Variants in ATP2B2 observed in about 807,000 individuals in gnomAD.
ATP2B2 encodes the protein ATPase plasma membrane Ca2+ transporting 2.
A neutral mutation model predicts 120.0 loss-of-function variants in ATP2B2; 15 were observed. The observed-to-expected ratio is 0.12, with a 90% CI of 0.08 to 0.19. ATP2B2 has a LOEUF of 0.19. Ranked by LOEUF, ATP2B2 falls within the 10% of genes least tolerant of loss-of-function variation. ATP2B2 has a pLI of 1.00. For synonymous variants in ATP2B2, 694 were observed against 700.3 expected (o/e 0.99, Z 0.14); for missense variants, 1,045 against 1,719.8 (o/e 0.61, Z 6.94).
At position 10,343,719 on chromosome 3, in the gene ATP2B2, C is replaced by T. The variant is rs2060350805; in HGVS notation, c.2704-754G>A. On this transcript the variant is annotated intron_variant, in intron 18 of 22. Coordinates refer to ENST00000360273, the MANE Select transcript of ATP2B2 (RefSeq NM_001001331.4). The surrounding 1 kb of genome is among the most constrained non-coding windows in gnomAD (Gnocchi z 4.2). ...TTCCCAGAATGCCCTCCGCCCACGT[C>T]ACCAGCACCTTCTGTGCCACGAGTT... Among the ~76,000 whole-genome samples the T allele has an allele frequency of 1.3e-5, 2 of 152,132 alleles. No homozygotes were observed. The highest frequency in any genetic ancestry group is 2.9e-5 in the Non-Finnish European group (2 of 68,032).
At position 10,329,169 on chromosome 3, in the gene ATP2B2, C is replaced by T. The variant is rs1484744043; in HGVS notation, c.3421-44G>A. On this transcript the variant is annotated intron_variant, in intron 22 of 22. Coordinates refer to ENST00000360273, the MANE Select transcript of ATP2B2 (RefSeq NM_001001331.4). This position sits in a 1 kb window ranked among gnomAD's most constrained non-coding sequence, Gnocchi z 5.9. ...GGTCAGGAGCACTGCCCAGGGACCACAGCCAGGCTCGGGGGGCTCACAGGA... is the reference window on the plus strand; with the variant it reads ...GGTCAGGAGCACTGCCCAGGGACCATAGCCAGGCTCGGGGGGCTCACAGGA... 1.3e-6 allele frequency: 2 copies of T among 1,572,910 alleles called. No homozygotes were observed. Among genetic ancestry groups the T allele is most frequent in the Non-Finnish European group, 1.7e-6 (2 of 1,154,436 alleles).
intron 3 of ATP2B2, among the ~76,000 whole-genome samples, chr3:10,528,431 T>C (rs758054243): frequency 2.7e-4 from 41 of 152,294 alleles, no homozygotes; most frequent in Non-Finnish European, 2.5e-4. Flanking sequence ...CTGGGCCCCA[T>C]GACACTCCTT....
At chr3:10,671,016 C>T (rs190810503) in intron 1 of ATP2B2, among the ~76,000 whole-genome samples, 2 of 152,112 alleles carry the variant, frequency 1.3e-5, no homozygotes, top group East Asian at 1.9e-4. Flanking sequence ...CAGATGACTT[C>T]GAAGGTCCTT....
intron 2 of ATP2B2, among the ~76,000 whole-genome samples, chr3:10,558,370 G>C (rs1292701247): frequency 1.3e-5 from 2 of 152,174 alleles, no homozygotes; most frequent in African/African-American, 4.8e-5. Flanking sequence ...ATCATTGCTA[G>C]GACTGCAGGG....
chr3:10,636,056 G>A (rs1466506956), intron 1 of ATP2B2, among the ~76,000 whole-genome samples: 4 of 152,198 alleles, frequency 2.6e-5, no homozygotes, highest in Admixed American at 2.6e-4. Flanking sequence ...CTTCTAAGAG[G>A]CGGATGAAAG....
At chr3:10,491,224 A>ATTTT (rs3077070) in intron 1 of ATP2B2, among the ~76,000 whole-genome samples, 2,415 of 119,908 alleles carry the variant, frequency 0.02, 76 homozygotes, top group African/African-American at 0.072. Flanking sequence ...CCTTCATTCC[A>ATTTT]TTTTTTTTTT....
rs1365516752 is a variant in ATP2B2 at position 10,699,398 on chromosome 3, A to G, written c.-460+8517T>C. Among the ~76,000 whole-genome samples, 28 of 152,240 alleles carry G rather than the reference A, an allele frequency of 1.8e-4. 1 individual carries two copies. The highest frequency in any genetic ancestry group is 1.8e-3 in the Admixed American group (28 of 15,292). ...ATAAGGTAGAAGTATATTTATTGAT[A>G]TTTAAGATGACCATTATTACTGAGT... On this transcript the variant is annotated intron_variant, in intron 1 of 21. Coordinates refer to the ATP2B2 transcript ENST00000646379.
intron 12 of ATP2B2, among the ~76,000 whole-genome samples, chr3:10,370,674 C>T (rs779000753): frequency 6.6e-4 from 101 of 152,176 alleles, no homozygotes; most frequent in Non-Finnish European, 1.0e-3. Context: ...TTCCCCATTT[C>T]GATAAAGCTG....
chr3:10,686,331 T>C (rs1239928319), intron 1 of ATP2B2, among the ~76,000 whole-genome samples: 3 of 152,128 alleles, frequency 2.0e-5, no homozygotes, highest in African/African-American at 7.2e-5. Context: ...GACAAGTGTC[T>C]CAATAGAATA....
chr3:10,577,748 G>A (rs960354022), intron 2 of ATP2B2, among the ~76,000 whole-genome samples: 5 of 152,170 alleles, frequency 3.3e-5, no homozygotes, highest in African/African-American at 7.2e-5. Context: ...AGCGTGACTC[G>A]GAATGGCAGG....
At chr3:10,527,311 A>C (rs1450016330) in intron 3 of ATP2B2, among the ~76,000 whole-genome samples, 1 of 152,206 alleles carries the variant, frequency 6.6e-6, no homozygotes, top group Non-Finnish European at 1.5e-5. Flanking sequence ...AGCCTTATGA[A>C]ATAGGAACTG....
intron 1 of ATP2B2, among the ~76,000 whole-genome samples, chr3:10,501,130 G>A (rs59888309): frequency 0.064 from 9,772 of 152,188 alleles, 614 homozygotes; most frequent in African/African-American, 0.17. Context: ...GCTCGGGCCT[G>A]GTCACTTGCC....
At chr3:10,674,831 A>C (rs1173030208) in intron 1 of ATP2B2, among the ~76,000 whole-genome samples, 2 of 152,246 alleles carry the variant, frequency 1.3e-5, no homozygotes, top group Non-Finnish European at 2.9e-5. Context: ...CCCAGCCAGG[A>C]AAGTCAACAG....
chr3:10,642,498 G>A (rs7615819), intron 1 of ATP2B2, among the ~76,000 whole-genome samples: 47,824 of 151,854 alleles, frequency 0.31, 11,390 homozygotes, highest in African/African-American at 0.66. Flanking sequence ...ATCTCACCCT[G>A]TAGAACAAAA....
intron 1 of ATP2B2, among the ~76,000 whole-genome samples, chr3:10,691,878 T>TC (rs1243404650): frequency 7.2e-5 from 11 of 152,210 alleles, no homozygotes; most frequent in Admixed American, 3.9e-4. Flanking sequence ...AAGTCTCATA[T>TC]CCAAGGAATG....
chr3:10,378,044 C>T lies in ATP2B2; in HGVS notation c.1201+208G>A, dbSNP rs73814203. Among the ~76,000 whole-genome samples the T allele has an allele frequency of 7.4e-3, 1,131 of 152,372 alleles. 19 individuals carry two copies. The highest frequency in any genetic ancestry group is 0.025 in the African/African-American group (1,053 of 41,586). ...TACCAGAGCCTTGGATTTGCTCGAG[C>T]TTCACTCTTCTGTATCACTGAGTGC... is the stretch of plus-strand genomic sequence containing the variant. On this transcript the variant is annotated intron_variant, in intron 10 of 22. Transcript: ENST00000360273.
intron 1 of ATP2B2, among the ~76,000 whole-genome samples, chr3:10,485,745 G>A (rs1356029414): frequency 6.6e-6 from 1 of 152,112 alleles, no homozygotes; most frequent in Non-Finnish European, 1.5e-5. Context: ...TGTGCGGTGG[G>A]GGCTTCCTGG....
intron 1 of ATP2B2, among the ~76,000 whole-genome samples, chr3:10,463,171 A>G (rs1356419738): frequency 6.6e-6 from 1 of 151,664 alleles, no homozygotes. Context: ...CGTGTGGCTC[A>G]CTCCTTAAAT....
chr3:10,342,713 A>AC lies in ATP2B2; in HGVS notation c.2917+38dup. On this transcript the variant is annotated intron_variant, in intron 19 of 22. Transcript: ENST00000360273. This position sits in a 1 kb window ranked among gnomAD's most constrained non-coding sequence, Gnocchi z 4.4. ...GCCATGGTGCACCCAGAAGGTGATG[A>AC]CCCCGCCTGGGAGAGGCGTGGGTGG... The AC allele has an allele frequency of 6.2e-7, 1 of 1,606,108 alleles. No homozygotes were observed. The highest frequency in any genetic ancestry group is 8.5e-7 in the Non-Finnish European group (1 of 1,173,422).
Sources: allele counts gnomAD v4.1 joint callset (sites outside exome capture counted in the v4.1 genomes callset), GRCh38; gene constraint gnomAD v4.1.1; non-coding constraint Gnocchi (gnomAD v3.1); transcripts MANE v1.5; gene names NCBI Gene and HGNC (gene_info 2026-07-23, HGNC 2026-07-21).